HMGCLL1: variants seen among roughly 807,000 people sequenced by gnomAD.
HMGCLL1 encodes the protein 3-hydroxymethyl-3-methylglutaryl-CoA lyase, cytoplasmic.
In HMGCLL1, 36 loss-of-function variants were observed where a neutral mutation model predicts 39.1. The observed-to-expected ratio is 0.92, with a 90% CI of 0.71 to 1.22. The LOEUF is 1.22. Ranked by LOEUF, HMGCLL1 falls within the 50% of genes most tolerant of loss-of-function variation. The pLI, the probability that HMGCLL1 is intolerant of heterozygous loss-of-function variation, is 0.00. For missense variants in HMGCLL1, 451 were observed against 416.5 expected, an observed-to-expected ratio of 1.08 and a Z score of -0.72; for synonymous variants, 149 against 144.0, an observed-to-expected ratio of 1.03 and a Z score of -0.25.
At chr6:55,650,094 TA>T in the HMGCLL1 span, among the ~76,000 whole-genome samples, 1 of 14,252 alleles carries the variant, frequency 7.0e-5, no homozygotes, top group East Asian at 1.4e-3. Context: ...CATATACATA[TA>T]TATATATATA....
intron 7 of HMGCLL1, among the ~76,000 whole-genome samples, chr6:55,477,065 G>A (rs1765328233): frequency 9.3e-6 from 1 of 107,726 alleles, no homozygotes; most frequent in Non-Finnish European, 1.8e-5. Context: ...GTATTTCTAT[G>A]TAACAAACCT....
At chr6:55,510,234 G>A (rs995561953) in intron 5 of HMGCLL1, among the ~76,000 whole-genome samples, 1 of 151,910 alleles carries the variant, frequency 6.6e-6, no homozygotes, top group African/African-American at 2.4e-5. Context: ...CCATCTTATA[G>A]GAGAAGTATA....
chr6:55,529,160 G>A (rs985671027), intron 3 of HMGCLL1, among the ~76,000 whole-genome samples: 6 of 152,020 alleles, frequency 3.9e-5, no homozygotes, highest in Non-Finnish European at 8.8e-5. Context: ...AAACAATCAT[G>A]TTCCCAACAT....
intron 8 of HMGCLL1, among the ~76,000 whole-genome samples, chr6:55,437,019 C>T (rs1451598021): frequency 1.3e-5 from 2 of 151,964 alleles, no homozygotes; most frequent in Non-Finnish European, 2.9e-5. Flanking sequence ...TTATAAATTA[C>T]ATCCAGCAAG....
chr6:55,564,287 T>C (rs945330679), intron 1 of HMGCLL1, among the ~76,000 whole-genome samples: 4 of 152,136 alleles, frequency 2.6e-5, no homozygotes, highest in African/African-American at 9.7e-5. Context: ...GTGAAAACGA[T>C]GGAAAATTAT....
chr6:55,645,408 G>T, the HMGCLL1 span, among the ~76,000 whole-genome samples: 1 of 151,802 alleles, frequency 6.6e-6, no homozygotes, highest in Non-Finnish European at 1.5e-5. Flanking sequence ...TTGTCTGATT[G>T]CTCTAGCTAA....
chr6:55,641,122 G>C, the HMGCLL1 span, among the ~76,000 whole-genome samples: 1 of 151,016 alleles, frequency 6.6e-6, no homozygotes, highest in Non-Finnish European at 1.5e-5. Flanking sequence ...ATGATAAATA[G>C]GAAACCAGAT....
At chr6:55,665,159 T>C in the HMGCLL1 span, among the ~76,000 whole-genome samples, 1 of 151,764 alleles carries the variant, frequency 6.6e-6, no homozygotes, top group African/African-American at 2.4e-5. Flanking sequence ...TATTTTTACA[T>C]GTCTGTGTTA....
the HMGCLL1 span, among the ~76,000 whole-genome samples, chr6:55,661,138 G>T: frequency 6.6e-6 from 1 of 151,796 alleles, no homozygotes; most frequent in African/African-American, 2.4e-5. Context: ...TGCATAGTTT[G>T]CAAATATTTT....
chr6:55,654,247 A>C, the HMGCLL1 span, among the ~76,000 whole-genome samples: 1 of 151,826 alleles, frequency 6.6e-6, no homozygotes, highest in Non-Finnish European at 1.5e-5. Flanking sequence ...CACTGAACTG[A>C]CTGAATTTGA....
chr6:55,526,633 C>A (rs1454340500), intron 3 of HMGCLL1, among the ~76,000 whole-genome samples: 4 of 151,934 alleles, frequency 2.6e-5, no homozygotes, highest in African/African-American at 9.7e-5. Context: ...CCCACTAATT[C>A]TTCTACTATT....
intron 7 of HMGCLL1, among the ~76,000 whole-genome samples, chr6:55,485,535 T>C (rs1021799780): frequency 1.3e-5 from 2 of 152,012 alleles, no homozygotes; most frequent in Admixed American, 6.6e-5. Context: ...AATCCTACCA[T>C]ATATACATAT....
intron 7 of HMGCLL1, among the ~76,000 whole-genome samples, chr6:55,456,312 G>A (rs1224245029): frequency 1.3e-5 from 2 of 152,126 alleles, no homozygotes; most frequent in Non-Finnish European, 2.9e-5. Flanking sequence ...TAACTTCAAC[G>A]ATTCGAAATA....
At chr6:55,601,832 C>T in the HMGCLL1 span, among the ~76,000 whole-genome samples, 2 of 152,218 alleles carry the variant, frequency 1.3e-5, no homozygotes, top group Admixed American at 6.5e-5. Flanking sequence ...TAAATAAAGA[C>T]TATACAACCC....
At chr6:55,548,389 A>C (rs890144453) in intron 1 of HMGCLL1, among the ~76,000 whole-genome samples, 4 of 152,132 alleles carry the variant, frequency 2.6e-5, no homozygotes, top group Non-Finnish European at 4.4e-5. Context: ...AATAAATACA[A>C]GTTTCTCCTG....
intron 1 of HMGCLL1, chr6:55,563,855 TG>T: frequency 1.6e-6 from 2 of 1,286,410 alleles, no homozygotes; most frequent in Non-Finnish European, 2.0e-6. Context: ...TCAAATATGA[TG>T]GGGATCAGGG....
intron 1 of HMGCLL1, among the ~76,000 whole-genome samples, chr6:55,560,733 A>T (rs992806288): frequency 2.6e-5 from 4 of 152,146 alleles, no homozygotes; most frequent in African/African-American, 9.7e-5. Flanking sequence ...GCAGACTGTG[A>T]TTCCAGCACA....
At chr6:55,520,216 T>G (rs934487923) in intron 3 of HMGCLL1, among the ~76,000 whole-genome samples, 1 of 148,856 alleles carries the variant, frequency 6.7e-6, no homozygotes, top group African/African-American at 2.5e-5. Context: ...CTGCATATTC[T>G]GCACATGTAC....
the HMGCLL1 span, among the ~76,000 whole-genome samples, chr6:55,629,338 G>A: frequency 6.6e-6 from 1 of 152,168 alleles, no homozygotes; most frequent in African/African-American, 2.4e-5. Context: ...ACTTGAGAGA[G>A]ATGATTTAGT....
Sources: allele counts gnomAD v4.1 joint callset (sites outside exome capture counted in the v4.1 genomes callset), GRCh38; gene constraint gnomAD v4.1.1; transcripts MANE v1.5; gene names NCBI Gene and HGNC (gene_info 2026-07-23, HGNC 2026-07-21).